GALNTL6: variants seen among roughly 807,000 people sequenced by gnomAD.
The protein encoded by GALNTL6 is polypeptide N-acetylgalactosaminyltransferase-like 6.
In GALNTL6, 46 loss-of-function variants were observed where a neutral mutation model predicts 73.7. The ratio of observed to expected loss-of-function variants is 0.62; its 90% CI spans 0.49 to 0.80. The LOEUF (loss-of-function observed/expected upper bound fraction) is 0.80, where lower values mean the gene tolerates loss of function less well. Ranked by LOEUF, GALNTL6 falls within the 30% of genes least tolerant of loss-of-function variation. GALNTL6 has a pLI of 0.00. For synonymous variants in GALNTL6, 259 were observed against 263.7 expected (o/e 0.98, Z 0.17); for missense variants, 604 against 755.0 (o/e 0.80, Z 2.34).
intron 2 of GALNTL6, among the ~76,000 whole-genome samples, chr4:171,853,333 T>G (rs1735576676): frequency 6.6e-6 from 1 of 151,934 alleles, no homozygotes; most frequent in South Asian, 2.1e-4. Context: ...GCTGGTAAGT[T>G]TTGCCTCCTC....
chr4:172,125,561 T>C (rs1560933126), intron 2 of GALNTL6, among the ~76,000 whole-genome samples: 1 of 152,186 alleles, frequency 6.6e-6, no homozygotes, highest in Non-Finnish European at 1.5e-5. Context: ...ATAGCCAACC[T>C]GATCACACAC....
chr4:171,976,705 G>A (rs1739733378), intron 2 of GALNTL6, among the ~76,000 whole-genome samples: 1 of 152,180 alleles, frequency 6.6e-6, no homozygotes, highest in Non-Finnish European at 1.5e-5. Flanking sequence ...CATATCCTAT[G>A]AAATAACTGT....
chr4:172,430,197 G>C (rs1481469714), intron 5 of GALNTL6, among the ~76,000 whole-genome samples: 1 of 151,942 alleles, frequency 6.6e-6, no homozygotes, highest in Admixed American at 6.6e-5. Flanking sequence ...AGTGAGAAAG[G>C]AATTTGTGAA....
intron 7 of GALNTL6, among the ~76,000 whole-genome samples, chr4:172,838,655 T>C (rs1343644955): frequency 6.6e-6 from 1 of 152,070 alleles, no homozygotes; most frequent in Non-Finnish European, 1.5e-5. Context: ...CAGGTGCAAA[T>C]TCAAAAATTA....
intron 2 of GALNTL6, among the ~76,000 whole-genome samples, chr4:172,051,775 G>T (rs983688287): frequency 6.6e-6 from 1 of 152,118 alleles, no homozygotes; most frequent in Non-Finnish European, 1.5e-5. Flanking sequence ...AGGGCCATGG[G>T]TTTCCAGGCT....
At chr4:172,371,626 T>G (rs1297057513) in intron 5 of GALNTL6, among the ~76,000 whole-genome samples, 1 of 152,148 alleles carries the variant, frequency 6.6e-6, no homozygotes, top group South Asian at 2.1e-4. Context: ...TTTCTGTCGC[T>G]CTGTCTCTTC....
At chr4:172,447,204 A>G (rs1732053377) in intron 5 of GALNTL6, among the ~76,000 whole-genome samples, 1 of 152,064 alleles carries the variant, frequency 6.6e-6, no homozygotes, top group Non-Finnish European at 1.5e-5. Context: ...AAGAGGCCAC[A>G]TTTGAGACAC....
At position 171,930,748 on chromosome 4, in the gene GALNTL6, T is replaced by C. The variant is rs186246278; in HGVS notation, c.138+116030T>C. ...CTACTTGGGAGGCTAAGGCAGAGAA[T>C]CACTTGAACCCAGGAGGCAGAGGTT... On this transcript the variant is annotated intron_variant, in intron 2 of 12. Coordinates refer to ENST00000506823, the MANE Select transcript of GALNTL6 (RefSeq NM_001034845.3). Among the ~76,000 whole-genome samples, 7 of 152,178 alleles carry C rather than the reference T, an allele frequency of 4.6e-5. No homozygotes were observed. In the East Asian group the frequency reaches 1.4e-3, roughly 30 times the overall value.
intron 5 of GALNTL6, among the ~76,000 whole-genome samples, chr4:172,384,806 C>A (rs1248809123): frequency 6.6e-6 from 1 of 151,956 alleles, no homozygotes; most frequent in African/African-American, 2.4e-5. Context: ...GAGACAGGGC[C>A]TTATTATGTT....
At chr4:171,945,596 A>G (rs559294845) in intron 2 of GALNTL6, among the ~76,000 whole-genome samples, 14 of 152,312 alleles carry the variant, frequency 9.2e-5, no homozygotes, top group East Asian at 1.9e-4. Context: ...TATAGAACAG[A>G]CATAAACTTT....
At chr4:172,473,585 G>T (rs1733129363) in intron 5 of GALNTL6, among the ~76,000 whole-genome samples, 1 of 152,106 alleles carries the variant, frequency 6.6e-6, no homozygotes, top group Admixed American at 6.5e-5. Flanking sequence ...TATACAAAAT[G>T]TTTCACCTGA....
At chr4:172,718,553 A>G (rs1735251823) in intron 5 of GALNTL6, among the ~76,000 whole-genome samples, 1 of 152,026 alleles carries the variant, frequency 6.6e-6, no homozygotes, top group African/African-American at 2.4e-5. Flanking sequence ...CAGGAGGATC[A>G]CTTGAGCCTG....
At chr4:172,534,204 T>C (rs1214214542) in intron 5 of GALNTL6, among the ~76,000 whole-genome samples, 4 of 152,286 alleles carry the variant, frequency 2.6e-5, no homozygotes, top group Non-Finnish European at 4.4e-5. Context: ...TCCCAGCAAG[T>C]ATTACTGGAA....
chr4:172,840,401 C>T (rs969605367), intron 7 of GALNTL6, among the ~76,000 whole-genome samples: 12 of 152,194 alleles, frequency 7.9e-5, no homozygotes, highest in East Asian at 1.9e-4. Context: ...CTTTCCCTTC[C>T]GCCAGCTGCT....
intron 5 of GALNTL6, among the ~76,000 whole-genome samples, chr4:172,439,624 AT>A (rs1249027481): frequency 2.0e-5 from 3 of 151,694 alleles, no homozygotes; most frequent in Non-Finnish European, 2.9e-5. Context: ...TGATTCCAAA[AT>A]TTTTATGTTC....
At chr4:172,772,585 T>C (rs1030145003) in intron 5 of GALNTL6, among the ~76,000 whole-genome samples, 4 of 36,832 alleles carry the variant, frequency 1.1e-4, no homozygotes, top group African/African-American at 2.4e-4. Flanking sequence ...TTCATTGGTC[T>C]GTTTATCTAT....
intron 8 of GALNTL6, among the ~76,000 whole-genome samples, chr4:172,898,544 C>T (rs1485945063): frequency 1.3e-5 from 2 of 151,782 alleles, no homozygotes; most frequent in Non-Finnish European, 2.9e-5. Flanking sequence ...ATTCTTGCAA[C>T]ATTTCCCATA....
At chr4:171,911,204 G>A (rs1352557198) in intron 2 of GALNTL6, among the ~76,000 whole-genome samples, 2 of 152,102 alleles carry the variant, frequency 1.3e-5, no homozygotes, top group African/African-American at 2.4e-5. Flanking sequence ...CTGTCACCCA[G>A]GCTGGAGTGC....
At chr4:172,748,627 G>A (rs1737247468) in intron 5 of GALNTL6, among the ~76,000 whole-genome samples, 1 of 152,092 alleles carries the variant, frequency 6.6e-6, no homozygotes, top group Non-Finnish European at 1.5e-5. Context: ...ATACAGTAAG[G>A]GGAAAAGTTG....
Sources: gnomAD v4.1 joint callset for allele counts (sites outside exome capture counted in the v4.1 genomes callset) on GRCh38, gnomAD v4.1.1 for gene constraint, MANE v1.5 for transcripts, NCBI Gene and HGNC (gene_info 2026-07-23, HGNC 2026-07-21) for gene names.